Variants in TCF20 observed in about 807,000 individuals in gnomAD.
TCF20 encodes the protein transcription factor 20.
Under a neutral mutation model 148.6 loss-of-function variants are expected in TCF20, and 3 were observed. That is an observed-to-expected ratio of 0.02 (90% CI 0.01 to 0.05). TCF20 has a LOEUF of 0.05. TCF20 is among the 10% of genes least tolerant of loss of function. The pLI, the probability that TCF20 is intolerant of heterozygous loss-of-function variation, is 1.00. For missense variants in TCF20, 2,350 were observed against 2,429.3 expected (o/e 0.97, Z 0.69); for synonymous variants, 1,049 against 909.5 (o/e 1.15, Z -2.76).
chr22:42,250,062 T>C (rs965829854), intron 1 of TCF20, among the ~76,000 whole-genome samples: 2 of 152,080 alleles, frequency 1.3e-5, no homozygotes, highest in African/African-American at 4.8e-5. Context: ...AGTTTGAGGC[T>C]GAAGTGCACT....
At chr22:42,252,790 C>A (rs929838325) in intron 1 of TCF20, among the ~76,000 whole-genome samples, 4 of 152,076 alleles carry the variant, frequency 2.6e-5, no homozygotes, top group Non-Finnish European at 4.4e-5. Context: ...GAGTAACAAT[C>A]TTGGCATTTT....
intron 2 of TCF20, among the ~76,000 whole-genome samples, chr22:42,183,590 T>C (rs1936887960): frequency 6.6e-6 from 1 of 152,086 alleles, no homozygotes; most frequent in African/African-American, 2.4e-5. Context: ...ACTCTGGACT[T>C]TTCCAAAGCC....
At chr22:42,191,764 G>A (rs1358799263) in intron 2 of TCF20, among the ~76,000 whole-genome samples, 4 of 152,174 alleles carry the variant, frequency 2.6e-5, no homozygotes, top group Non-Finnish European at 5.9e-5. Context: ...TAGAAAGGAA[G>A]GGCACAGAGT....
intron 1 of TCF20, among the ~76,000 whole-genome samples, chr22:42,276,059 T>C (rs1926771742): frequency 6.6e-6 from 1 of 152,212 alleles, no homozygotes; most frequent in South Asian, 2.1e-4. Flanking sequence ...TTTGGGATTA[T>C]TTCTGCCTGA....
At chr22:42,320,231 C>T (rs1217368320) in intron 1 of TCF20, among the ~76,000 whole-genome samples, 2 of 152,212 alleles carry the variant, frequency 1.3e-5, no homozygotes, top group Non-Finnish European at 2.9e-5. Context: ...CTTGCAAGTT[C>T]TGTTCTGCCC....
chr22:42,219,160 G>A (rs1326221474), intron 1 of TCF20, among the ~76,000 whole-genome samples: 1 of 151,618 alleles, frequency 6.6e-6, no homozygotes, highest in African/African-American at 2.4e-5. Context: ...GAGGTGTGAG[G>A]ATCGCTTGAG....
intron 1 of TCF20, among the ~76,000 whole-genome samples, chr22:42,324,644 C>G (rs368867540): frequency 5.9e-5 from 8 of 135,938 alleles, no homozygotes; most frequent in Non-Finnish European, 1.3e-4. Flanking sequence ...CTCCACCATT[C>G]GAGAAAAAAT....
At chr22:42,269,486 C>T (rs946024258) in intron 1 of TCF20, among the ~76,000 whole-genome samples, 1 of 152,178 alleles carries the variant, frequency 6.6e-6, no homozygotes, top group Admixed American at 6.5e-5. Context: ...CACTAAATTC[C>T]ACTCCCATTC....
chr22:42,175,550 A>T (rs1470105154), intron 3 of TCF20, among the ~76,000 whole-genome samples: 1 of 152,028 alleles, frequency 6.6e-6, no homozygotes, highest in African/African-American at 2.4e-5. Flanking sequence ...CATGTTGGCC[A>T]GGCTGGTCTC....
At chr22:42,205,976 G>GT (rs2147180986) in intron 2 of TCF20, among the ~76,000 whole-genome samples, 1 of 152,218 alleles carries the variant, frequency 6.6e-6, no homozygotes, top group Admixed American at 6.5e-5. Flanking sequence ...GTTTGACCAT[G>GT]TTGGCCAGGC....
At chr22:42,170,912 C>A (rs1193104325) in intron 3 of TCF20, among the ~76,000 whole-genome samples, 1 of 152,152 alleles carries the variant, frequency 6.6e-6, no homozygotes, top group Non-Finnish European at 1.5e-5. Context: ...TGGCCAGGCC[C>A]AAGAGCCCCA....
At chr22:42,287,152 C>G (rs1927047451), upstream of TCF20, among the ~76,000 whole-genome samples, 1 of 152,136 alleles carries the variant, frequency 6.6e-6, no homozygotes, top group Admixed American at 6.6e-5. Flanking sequence ...GCGACAACTC[C>G]CAGGCACATT....
intron 1 of TCF20, among the ~76,000 whole-genome samples, chr22:42,310,444 G>C (rs958370246): frequency 6.9e-6 from 1 of 145,514 alleles, no homozygotes; most frequent in Non-Finnish European, 1.5e-5. Flanking sequence ...GGGTTGTGCG[G>C]GGGGGAGTAA....
chr22:42,309,129 C>A (rs957530000), intron 1 of TCF20, among the ~76,000 whole-genome samples: 1 of 152,072 alleles, frequency 6.6e-6, no homozygotes, highest in Non-Finnish European at 1.5e-5. Context: ...GGCGGTGGAC[C>A]ATGCCCACTC....
In TCF20 at chr22:42,210,695, T is replaced by G. The variant is rs1289667906; in HGVS notation, c.4611A>C (p.Gly1537=). 1.2e-6 allele frequency: 2 copies of G among 1,614,212 alleles called. No individual in the cohort carries two copies. Among genetic ancestry groups the G allele is most frequent in the Admixed American group, 1.7e-5 (1 of 60,020 alleles). The part of the protein sequence containing the change: ...GFPPKGYFPS[G]KKKGRPIGSV... ...TACCAATGGGTCTCCCCTTCTTCTTTCCTGATGGGAAATATCCCTTTGGAG... is the reference window on the plus strand; with the variant it reads ...TACCAATGGGTCTCCCCTTCTTCTTGCCTGATGGGAAATATCCCTTTGGAG... Residue 1537 remains glycine, a synonymous_variant, in exon 2 of 6, where the codon GGA becomes GGC. Coordinates refer to ENST00000677622, the MANE Select transcript of TCF20 (RefSeq NM_001378418.1). This position sits in a 1 kb window ranked among gnomAD's most constrained non-coding sequence, Gnocchi z 4.7.
At chr22:42,255,222 C>T (rs1427744273) in intron 1 of TCF20, among the ~76,000 whole-genome samples, 2 of 152,048 alleles carry the variant, frequency 1.3e-5, no homozygotes, top group African/African-American at 4.8e-5. Context: ...GCATGGTGCT[C>T]ATGCCTGTAA....
intron 2 of TCF20, among the ~76,000 whole-genome samples, chr22:42,207,938 C>T (rs543406658): frequency 6.6e-6 from 1 of 152,198 alleles, no homozygotes; most frequent in African/African-American, 2.4e-5. Flanking sequence ...CCTGTAATTC[C>T]AGCACTTTGG....
At position 42,211,605 on chromosome 22, in the gene TCF20, C is replaced by T. The variant is rs370419843; in HGVS notation, c.3701G>A (p.Ser1234Asn). Reference protein sequence around the residue: ...AEATQSSKPGSVMLRLPGQED... With the variant: ...AEATQSSKPGNVMLRLPGQED... ...CTGGCCTGGAAGTCTCAGCATAACACTACCAGGTTTGGATGACTGTGTAGC... is the reference window on the plus strand; with the variant it reads ...CTGGCCTGGAAGTCTCAGCATAACATTACCAGGTTTGGATGACTGTGTAGC... Residue 1234 changes from serine (S) to asparagine (N), a missense_variant, in exon 2 of 6, where the codon AGT becomes AAT. Coordinates refer to ENST00000677622, the MANE Select transcript of TCF20 (RefSeq NM_001378418.1). 3.7e-5 allele frequency: 60 copies of T among 1,614,218 alleles called. 1 individual carries two copies. The African/African-American group carries it at 6.8e-4, about 18-fold the overall frequency.
intron 1 of TCF20, among the ~76,000 whole-genome samples, chr22:42,321,397 G>A (rs371648514): frequency 4.6e-5 from 7 of 152,138 alleles, no homozygotes; most frequent in Non-Finnish European, 1.0e-4. Context: ...CCCACCTCCC[G>A]GCTCCTCTGG....
Sources: allele counts gnomAD v4.1 joint callset (sites outside exome capture counted in the v4.1 genomes callset), GRCh38; gene constraint gnomAD v4.1.1; non-coding constraint Gnocchi (gnomAD v3.1); transcripts MANE v1.5; gene names NCBI Gene and HGNC (gene_info 2026-07-23, HGNC 2026-07-21).